The following NUP37 variants were observed in gnomAD, a reference collection of about 807,000 sequenced individuals.
NUP37 encodes the protein nucleoporin 37.
A neutral mutation model predicts 45.4 loss-of-function variants in NUP37; 33 were observed. That is an observed-to-expected ratio of 0.73 (90% CI 0.55 to 0.97). NUP37 has a LOEUF of 0.97. NUP37 is among the 50% of genes least tolerant of loss of function. The probability of loss-of-function intolerance (pLI) is 0.00; values close to 1 mark genes in which losing one functional copy is unlikely to be tolerated. For missense variants in NUP37, 365 were observed against 389.7 expected, an observed-to-expected ratio of 0.94 and a Z score of 0.53; for synonymous variants, 127 against 130.7, an observed-to-expected ratio of 0.97 and a Z score of 0.19.
intron 5 of NUP37, among the ~76,000 whole-genome samples, chr12:102,086,230 A>C (rs564804369): frequency 6.6e-6 from 1 of 152,172 alleles, no homozygotes; most frequent in Admixed American, 6.5e-5. Context: ...ATTTCAACTG[A>C]CGATAATTAC....
intron 6 of NUP37, chr12:102,079,047 TA>T (rs1879261301): frequency 2.7e-6 from 1 of 364,228 alleles, no homozygotes; most frequent in Non-Finnish European, 5.4e-6. Flanking sequence ...TACATCTCTG[TA>T]AAGTCCTTAC....
At chr12:102,111,477 G>A (rs930162796) in intron 3 of NUP37, among the ~76,000 whole-genome samples, 1 of 152,152 alleles carries the variant, frequency 6.6e-6, no homozygotes, top group East Asian at 1.9e-4. Context: ...CTTAATAGTT[G>A]ATAACTTTTA....
chr12:102,117,704 G>A (rs1880504423), intron 2 of NUP37, among the ~76,000 whole-genome samples: 1 of 80,164 alleles, frequency 1.2e-5, no homozygotes, highest in South Asian at 3.4e-4. Flanking sequence ...TTTTTATTTA[G>A]TATATTTACA....
intron 5 of NUP37, among the ~76,000 whole-genome samples, chr12:102,088,962 C>T (rs1443958721): frequency 1.3e-5 from 2 of 152,108 alleles, no homozygotes; most frequent in African/African-American, 2.4e-5. Context: ...GCACATCTTG[C>T]ACCACCCTTA....
intron 9 of NUP37, chr12:102,074,796 C>A: frequency 4.5e-6 from 2 of 447,092 alleles, no homozygotes; most frequent in Non-Finnish European, 7.8e-6. Context: ...CCAAAAAAAC[C>A]TGTTGTCACT....
At chr12:102,090,950 G>A (rs1879633392) in intron 5 of NUP37, among the ~76,000 whole-genome samples, 1 of 152,140 alleles carries the variant, frequency 6.6e-6, no homozygotes, top group Non-Finnish European at 1.5e-5. Flanking sequence ...GACCACGTCA[G>A]ACAACAGGAT....
At chr12:102,089,867 A>G (rs970260019) in intron 5 of NUP37, among the ~76,000 whole-genome samples, 3 of 152,204 alleles carry the variant, frequency 2.0e-5, no homozygotes, top group African/African-American at 7.2e-5. Flanking sequence ...ACAGACATTT[A>G]GGTTGTTTCC....
In NUP37 at chr12:102,073,502, C is replaced by T. The variant is rs1879087150; in HGVS notation, c.*852G>A. 6.6e-6 allele frequency: 1 copy of T among 152,180 alleles called. No homozygotes were observed. Among genetic ancestry groups the T allele is most frequent in the Non-Finnish European group, 1.5e-5 (1 of 68,040 alleles). 9.4% of individuals were successfully genotyped at this position (152,180 alleles called of 1,614,324 possible). A position where few individuals can be genotyped will look rare whatever the true frequency, so the allele number is the denominator to read the frequency against. On this transcript the variant is annotated 3_prime_UTR_variant, in exon 10 of 10. Transcript: ENST00000552283. ...CAAGGTAACTTTTGATCCCATATAT[C>T]AGATGTTCTAAGACTGTTAGAACAC...
In NUP37 at chr12:102,107,437, G is replaced by GA. The variant is rs148837922; in HGVS notation, c.281+4670dup. Among the ~76,000 whole-genome samples, 1,243 of 151,344 alleles carry GA rather than the reference G, an allele frequency of 8.2e-3. 10 individuals carry two copies. The highest frequency in any genetic ancestry group is 0.029 in the African/African-American group (1,183 of 41,270). On this transcript the variant is annotated intron_variant, in intron 3 of 9. Coordinates refer to ENST00000552283, the MANE Select transcript of NUP37 (RefSeq NM_024057.4). The stretch of plus-strand genomic sequence containing the variant: ...TTCTTTCACAAGTGGACAAGACAAG[G>GA]AAAAAAAAGGGGAAAAGGAGGCGAA...
chr12:102,085,558 T>C (rs527667162), intron 6 of NUP37, among the ~76,000 whole-genome samples: 1 of 152,294 alleles, frequency 6.6e-6, no homozygotes, highest in East Asian at 1.9e-4. Context: ...ATAAATGCCA[T>C]TTATGGATGA....
intron 3 of NUP37, among the ~76,000 whole-genome samples, chr12:102,106,135 T>A (rs773031794): frequency 6.6e-6 from 1 of 152,086 alleles, no homozygotes; most frequent in Non-Finnish European, 1.5e-5. Flanking sequence ...ACCATCAGAA[T>A]CTAGAAAACA....
intron 5 of NUP37, among the ~76,000 whole-genome samples, chr12:102,098,452 A>G (rs1423018653): frequency 6.6e-6 from 1 of 152,170 alleles, no homozygotes. Flanking sequence ...CTTATCATAC[A>G]GCATCTGTAA....
At chr12:102,095,880 TATTTAC>T (rs1384931987) in intron 5 of NUP37, among the ~76,000 whole-genome samples, 1 of 152,088 alleles carries the variant, frequency 6.6e-6, no homozygotes, top group Non-Finnish European at 1.5e-5. Context: ...CAGATGGCAC[TATTTAC>T]ATTATACTCT....
At chr12:102,113,784 G>A (rs1034933907) in intron 2 of NUP37, among the ~76,000 whole-genome samples, 7 of 152,218 alleles carry the variant, frequency 4.6e-5, no homozygotes, top group African/African-American at 1.4e-4. Context: ...TTACTTGAAG[G>A]CCTGATCTAA....
chr12:102,114,600 C>A (rs1372663333), intron 2 of NUP37, among the ~76,000 whole-genome samples: 1 of 152,146 alleles, frequency 6.6e-6, no homozygotes, highest in Non-Finnish European at 1.5e-5. Context: ...TGGGGCAAAG[C>A]CAGGTTGATG....
chr12:102,109,902 C>G (rs1199132438), intron 3 of NUP37, among the ~76,000 whole-genome samples: 1 of 152,134 alleles, frequency 6.6e-6, no homozygotes, highest in Non-Finnish European at 1.5e-5. Flanking sequence ...TTTAAAGAAT[C>G]AAAGAGACTT....
Position 102,077,526 on chromosome 12 carries a change from G to A in NUP37, c.541-23C>T, listed in dbSNP as rs199547118. 1.3e-4 allele frequency: 211 copies of A among 1,596,478 alleles called. 1 individual carries two copies. The highest frequency in any genetic ancestry group is 1.7e-6 in the Non-Finnish European group (2 of 1,173,412). On this transcript the variant is annotated intron_variant, in intron 6 of 9. Transcript: ENST00000552283. ...TAGCTGTAAGACAGAAAAATAAAAAGAAACTCAATCACTTATCTCACTAAC... is the reference window on the plus strand; with the variant it reads ...TAGCTGTAAGACAGAAAAATAAAAAAAAACTCAATCACTTATCTCACTAAC...
At chr12:102,103,799 A>T (rs1880043785) in intron 3 of NUP37, among the ~76,000 whole-genome samples, 1 of 152,172 alleles carries the variant, frequency 6.6e-6, no homozygotes, top group Non-Finnish European at 1.5e-5. Flanking sequence ...GCAGAAAAAG[A>T]ATGTGACTAA....
At chr12:102,112,019 G>T in intron 3 of NUP37, 89 bp downstream of exon 3, 4 of 1,246,450 alleles carry the variant, frequency 3.2e-6, no homozygotes, top group South Asian at 1.4e-5. Flanking sequence ...AATGGAAATT[G>T]AGAAAAAAGT....
Sources: gnomAD v4.1 joint callset for allele counts (sites outside exome capture counted in the v4.1 genomes callset) on GRCh38, gnomAD v4.1.1 for gene constraint, MANE v1.5 for transcripts, NCBI Gene and HGNC (gene_info 2026-07-23, HGNC 2026-07-21) for gene names.